NAV3: variants seen among roughly 807,000 people sequenced by gnomAD.
NAV3 encodes pore membrane and/or filament interacting like protein 1.
NAV3 carries 87 observed loss-of-function variants against 244.7 expected under a neutral mutation model. The observed-to-expected ratio is 0.36, with a 90% confidence interval of 0.30 to 0.42. The LOEUF (loss-of-function observed/expected upper bound fraction) is 0.42. Among genes scored for constraint, NAV3 ranks in the 20% least tolerant of loss-of-function variants. The pLI is 1.00. For missense variants in NAV3, 2,663 were observed against 2,893.3 expected, an observed-to-expected ratio of 0.92 and a Z score of 1.83; for synonymous variants, 1,126 against 1,042.2, an observed-to-expected ratio of 1.08 and a Z score of -1.55.
intron 2 of NAV3, among the ~76,000 whole-genome samples, chr12:77,675,873 G>A (rs78531984): frequency 0.039 from 5,984 of 152,136 alleles, 192 homozygotes; most frequent in African/African-American, 0.053. Context: ...CTACCTGGTT[G>A]ACACATGGCC....
intron 2 of NAV3, among the ~76,000 whole-genome samples, chr12:77,746,803 T>C (rs981851669): frequency 4.6e-5 from 7 of 152,170 alleles, no homozygotes; most frequent in African/African-American, 1.4e-4. Context: ...TTCTTACATA[T>C]ATCATTTCAG....
chr12:78,033,740 A>T (rs976502982), intron 9 of NAV3, among the ~76,000 whole-genome samples: 1 of 152,178 alleles, frequency 6.6e-6, no homozygotes, highest in African/African-American at 2.4e-5. Flanking sequence ...TGCTGGCTCC[A>T]TTGGACTGAG....
chr12:77,739,184 T>C (rs573200014), intron 2 of NAV3, among the ~76,000 whole-genome samples: 2 of 152,266 alleles, frequency 1.3e-5, no homozygotes, highest in Admixed American at 6.5e-5. Flanking sequence ...CAAAGAGTTG[T>C]TGTGAGTATT....
chr12:77,801,185 A>C (rs1479757797), intron 2 of NAV3, among the ~76,000 whole-genome samples: 2 of 152,172 alleles, frequency 1.3e-5, no homozygotes, highest in African/African-American at 4.8e-5. Flanking sequence ...AATGAAATAA[A>C]TATAGGACAG....
chr12:77,897,428 C>A (rs776441328), intron 1 of NAV3, among the ~76,000 whole-genome samples: 1 of 152,190 alleles, frequency 6.6e-6, no homozygotes, highest in Non-Finnish European at 1.5e-5. Context: ...AGAACTCTGA[C>A]CCCATTCTCT....
chr12:78,180,957 A>G lies in NAV3; in HGVS notation c.5604A>G (p.Glu1868=), dbSNP rs1958472297. 6.2e-7 allele frequency: 1 copy of G among 1,613,176 alleles called. No homozygotes were observed. The highest frequency in any genetic ancestry group is 8.5e-7 in the Non-Finnish European group (1 of 1,179,506). The change falls in exon 30 of 40, where the codon GAA becomes GAG. Residue 1868 remains glutamate, a synonymous_variant. Coordinates refer to ENST00000397909, the MANE Select transcript of NAV3 (RefSeq NM_001024383.2). ...CTAAGCCTACTCGGCCACCGTCAGA[A>G]TCCTCAAGCAGCACCTCCTCTTCAT... The part of the protein sequence containing the change: ...NTAKPTRPPS[E]SSSSTSSSSS...
At chr12:77,868,827 TG>T (rs34269457) in intron 1 of NAV3, among the ~76,000 whole-genome samples, 1 of 151,168 alleles carries the variant, frequency 6.6e-6, no homozygotes, top group Admixed American at 6.6e-5. Context: ...CCTAGTACTT[TG>T]GGAGGCCAAG....
At chr12:77,766,313 TTCTC>T (rs1001628587) in intron 2 of NAV3, among the ~76,000 whole-genome samples, 12 of 152,206 alleles carry the variant, frequency 7.9e-5, no homozygotes, top group Non-Finnish European at 1.5e-4. Context: ...CACCACCTTT[TTCTC>T]TCTCTTCATT....
Position 78,022,828 on chromosome 12 carries a change from A to G in NAV3, c.2023+966A>G, listed in dbSNP as rs187772588. Reference sequence around the variant, plus strand: ...ACAGCATCCTGCAGTGGATACTGACAACAATTACAGAACAACATCCCAAGG... The same window carrying G: ...ACAGCATCCTGCAGTGGATACTGACGACAATTACAGAACAACATCCCAAGG... On this transcript the variant is annotated intron_variant, in intron 9 of 39. Coordinates refer to ENST00000397909, the MANE Select transcript of NAV3 (RefSeq NM_001024383.2). Among the ~76,000 whole-genome samples the G allele has an allele frequency of 2.3e-3, 355 of 152,266 alleles. 1 individual carries two copies. Among genetic ancestry groups the G allele is most frequent in the Non-Finnish European group, 3.9e-3 (267 of 68,008 alleles).
At chr12:77,949,120 C>G (rs1225005896) in intron 3 of NAV3, among the ~76,000 whole-genome samples, 3 of 151,908 alleles carry the variant, frequency 2.0e-5, no homozygotes, top group Non-Finnish European at 4.4e-5. Context: ...TATTTCACAC[C>G]TGCCTTCTAT....
At chr12:77,777,126 A>G (rs567211474) in intron 2 of NAV3, among the ~76,000 whole-genome samples, 2 of 152,334 alleles carry the variant, frequency 1.3e-5, no homozygotes, top group East Asian at 3.9e-4. Context: ...GTGGAAATAT[A>G]AAACTGCAGA....
intron 31 of NAV3, among the ~76,000 whole-genome samples, chr12:78,186,199 A>T (rs1958712533): frequency 6.6e-6 from 1 of 151,894 alleles, no homozygotes; most frequent in African/African-American, 2.4e-5. Context: ...CCAGACAAGT[A>T]TTTTAATTTT....
At chr12:77,910,285 A>G (rs1054717320) in intron 1 of NAV3, among the ~76,000 whole-genome samples, 4 of 152,044 alleles carry the variant, frequency 2.6e-5, no homozygotes, top group Non-Finnish European at 4.4e-5. Context: ...GGGAGCAGGC[A>G]GGTCACATGA....
chr12:77,603,824 A>G (rs940548772), intron 2 of NAV3, among the ~76,000 whole-genome samples: 4 of 152,052 alleles, frequency 2.6e-5, no homozygotes, highest in African/African-American at 7.2e-5. Flanking sequence ...GCTGAGGGAA[A>G]GAAGCCGGTA....
At position 77,873,744 on chromosome 12, in the gene NAV3, G is replaced by GTGTGTGTATATATATATATA. The variant is rs776225440; in HGVS notation, c.243+42041_243+42042insGTGTGTATATATATATATAT. On this transcript the variant is annotated intron_variant, in intron 1 of 39. Coordinates refer to ENST00000397909, the MANE Select transcript of NAV3 (RefSeq NM_001024383.2). ...CTTATCTAAATACATATGTGTGTGT[G>GTGTGTGTATATATATATATA]TATATATATATATATATATATATGT... 7.8e-4 allele frequency among the ~76,000 whole-genome samples: 57 copies of GTGTGTGTATATATATATATA among 73,166 alleles called. 1 individual carries two copies. The highest frequency in any genetic ancestry group is 1.0e-3 in the Non-Finnish European group (35 of 34,510). 48.0% of individuals were successfully genotyped at this position (73,166 alleles called of 152,430 possible). A position where few individuals can be genotyped will look rare whatever the true frequency, so the allele number is the denominator to read the frequency against.
At chr12:77,727,077 A>C (rs1876910956) in intron 2 of NAV3, among the ~76,000 whole-genome samples, 1 of 151,964 alleles carries the variant, frequency 6.6e-6, no homozygotes, top group African/African-American at 2.4e-5. Flanking sequence ...GGAGGTGGGG[A>C]CCATATTGAG....
At chr12:77,740,691 C>T (rs1431380423) in intron 2 of NAV3, among the ~76,000 whole-genome samples, 1 of 152,038 alleles carries the variant, frequency 6.6e-6, no homozygotes, top group African/African-American at 2.4e-5. Flanking sequence ...AACTTGGAGC[C>T]ACTTTCTAAG....
Position 77,717,992 on chromosome 12 carries a change from G to A in NAV3, c.72+145726G>A, listed in dbSNP as rs369879885. 5.9e-5 allele frequency among the ~76,000 whole-genome samples: 9 copies of A among 152,228 alleles called. No individual in the cohort carries two copies. In the East Asian group the frequency reaches 7.7e-4, roughly 13 times the overall value. On this transcript the variant is annotated intron_variant, in intron 2 of 8. Coordinates refer to the NAV3 transcript ENST00000550042. ...TTGATATTAACCCTGTATCAGATAT[G>A]TGAATTGCAAACATTCCCTCCCATT...
chr12:77,701,605 T>C (rs552392828), intron 2 of NAV3, among the ~76,000 whole-genome samples: 3 of 151,990 alleles, frequency 2.0e-5, no homozygotes, highest in Non-Finnish European at 2.9e-5. Context: ...ATTTTTCTAA[T>C]ATAAGCATTT....
Sources: gnomAD v4.1 joint callset for allele counts (sites outside exome capture counted in the v4.1 genomes callset) on GRCh38, gnomAD v4.1.1 for gene constraint, MANE v1.5 for transcripts, NCBI Gene and HGNC (gene_info 2026-07-23, HGNC 2026-07-21) for gene names.